ASZ1: variants seen among roughly 807,000 people sequenced by gnomAD.
ASZ1 encodes the protein ankyrin repeat, SAM and basic leucine zipper domain containing 1.
In ASZ1, 67 loss-of-function variants were observed where a neutral mutation model predicts 61.8. That is an observed-to-expected ratio of 1.08 (90% CI 0.89 to 1.33). ASZ1 has a LOEUF of 1.33. Among genes scored for constraint, ASZ1 ranks in the 40% most tolerant of loss-of-function variants. The probability of loss-of-function intolerance (pLI) is 0.00; values close to 1 mark genes in which losing one functional copy is unlikely to be tolerated. For synonymous variants in ASZ1, 193 were observed against 192.7 expected (o/e 1.00, Z -0.01); for missense variants, 577 against 554.5 (o/e 1.04, Z -0.41).
chr7:117,385,777 C>A lies in ASZ1; in HGVS notation c.473G>T (p.Arg158Leu), dbSNP rs777814813. ...AGCAACAACCTGGGTGTGACCATCTCGAGCAGCATACATGATTGGGGTCAT... is the reference window on the plus strand; with the variant it reads ...AGCAACAACCTGGGTGTGACCATCTAGAGCAGCATACATGATTGGGGTCAT... ...RLMTPIMYAARDGHTQVVALL... is the reference protein window; with the variant it reads ...RLMTPIMYAALDGHTQVVALL... The change falls in exon 5 of 13, where the codon CGA (arginine) becomes CTA (leucine). Residue 158 changes from arginine (R) to leucine (L), a missense_variant. By Grantham distance (102) the Arg-to-Leu change is moderately radical (BLOSUM62 -2). Transcript: ENST00000284629. The A allele has an allele frequency of 6.2e-7, 1 of 1,613,498 alleles. No homozygotes were observed. The highest frequency in any genetic ancestry group is 1.7e-5 in the Admixed American group (1 of 59,936).
At chr7:117,409,369 A>T (rs1424785381) in intron 4 of ASZ1, among the ~76,000 whole-genome samples, 1 of 151,926 alleles carries the variant, frequency 6.6e-6, no homozygotes, top group Non-Finnish European at 1.5e-5. Context: ...TAAAAGTTAA[A>T]CATATTAGCA....
At chr7:117,400,523 C>T (rs1370384800) in intron 4 of ASZ1, among the ~76,000 whole-genome samples, 1 of 152,106 alleles carries the variant, frequency 6.6e-6, no homozygotes, top group East Asian at 1.9e-4. Flanking sequence ...TAACTTTAGG[C>T]CTTCTTATGG....
At chr7:117,379,904 C>T (rs369691332) in intron 10 of ASZ1, 34 bp downstream of exon 10, 2 of 1,351,488 alleles carry the variant, frequency 1.5e-6, no homozygotes, top group African/African-American at 2.9e-5. Context: ...GTTCTTAACA[C>T]TATTAATAAT....
At chr7:117,368,269 T>A (rs149067032) in intron 11 of ASZ1, 18 of 978,892 alleles carry the variant, frequency 1.8e-5, no homozygotes, top group Non-Finnish European at 2.1e-5. Flanking sequence ...AAATATTTTA[T>A]TGATATGGTT....
chr7:117,368,881 A>G (rs1015249134), intron 10 of ASZ1, among the ~76,000 whole-genome samples, 164 bp from the exon 11 acceptor site: 1 of 152,186 alleles, frequency 6.6e-6, no homozygotes, highest in African/African-American at 2.4e-5. Flanking sequence ...ATTGATTATA[A>G]AAGAAAAACA....
rs561983723 is a variant in ASZ1, at chr7:117,412,039, A to AGTGTGTATGTATGT, written c.440+8123_440+8124insACATACATACACAC. Among the ~76,000 whole-genome samples the AGTGTGTATGTATGT allele has an allele frequency of 2.9e-3, 374 of 128,436 alleles. 6 individuals carry two copies. The highest frequency in any genetic ancestry group is 8.9e-3 in the East Asian group (36 of 4,052). 84.3% of individuals were successfully genotyped at this position (128,436 alleles called of 152,430 possible). A position where few individuals can be genotyped will look rare whatever the true frequency, so the allele number is the denominator to read the frequency against. On this transcript the variant is annotated intron_variant, in intron 4 of 12. Coordinates refer to ENST00000284629, the MANE Select transcript of ASZ1 (RefSeq NM_130768.3). ...GAAAGATCCCAAACAAGTGAAAAGA[A>AGTGTGTATGTATGT]GTGTGTGTGTGTGTGTGTGTGTGTG...
intron 4 of ASZ1, among the ~76,000 whole-genome samples, chr7:117,411,501 A>G (rs1796888725): frequency 6.6e-6 from 1 of 151,872 alleles, no homozygotes; most frequent in African/African-American, 2.4e-5. Flanking sequence ...AGAATGCCAA[A>G]AACAAAATGG....
chr7:117,411,665 C>T (rs1341933712), intron 4 of ASZ1, among the ~76,000 whole-genome samples: 1 of 151,816 alleles, frequency 6.6e-6, no homozygotes, highest in Non-Finnish European at 1.5e-5. Flanking sequence ...ATATTATCAT[C>T]GTTATGGCAA....
chr7:117,424,945 A>G (rs1279150367), intron 2 of ASZ1, among the ~76,000 whole-genome samples: 1 of 152,222 alleles, frequency 6.6e-6, no homozygotes, highest in Admixed American at 6.5e-5. Context: ...CCCCCTTGCC[A>G]ACAACCCTTT....
intron 1 of ASZ1, 126 bp downstream of exon 1, chr7:117,427,230 G>C (rs1015673096): frequency 2.6e-6 from 3 of 1,147,948 alleles, no homozygotes; most frequent in Non-Finnish European, 3.8e-6. Context: ...ACAAACTCCC[G>C]TATTTCCACT....
chr7:117,368,463 C>T, intron 11 of ASZ1, 149 bp downstream of exon 11: 3 of 1,380,638 alleles, frequency 2.2e-6, no homozygotes, highest in Non-Finnish European at 1.9e-6. Context: ...TAATATTAAA[C>T]AAATTGACTT....
Position 117,368,633 on chromosome 7 carries a change from C to T in ASZ1, c.1140G>A (p.Glu380=), listed in dbSNP as rs1338159675. ...LITAVQNVIT[E]LPVNSQKITL... is the part of the protein sequence containing the mutation. ...ATACCTTTTGAGAATTTACAGGTAA[C>T]TCAGTAATAACATTCTGTACAGCTG... Residue 380 remains glutamate, a synonymous_variant, in exon 11 of 13, where the codon GAG becomes GAA. Coordinates refer to ENST00000284629, the MANE Select transcript of ASZ1 (RefSeq NM_130768.3). 6.2e-7 allele frequency: 1 copy of T among 1,611,594 alleles called. No individual in the cohort carries two copies. The highest frequency in any genetic ancestry group is 1.7e-5 in the Admixed American group (1 of 59,728).
chr7:117,400,546 C>G (rs1338665527), intron 4 of ASZ1, among the ~76,000 whole-genome samples: 1 of 152,074 alleles, frequency 6.6e-6, no homozygotes, highest in African/African-American at 2.4e-5. Flanking sequence ...ATGGGGAACT[C>G]CAACACAAAA....
At chr7:117,425,267 T>TC (rs1454209454) in intron 2 of ASZ1, among the ~76,000 whole-genome samples, 6 of 131,966 alleles carry the variant, frequency 4.5e-5, no homozygotes, top group Non-Finnish European at 9.9e-5. Context: ...TTCTTTTTTT[T>TC]TTTTTTTTTT....
rs551382056 is a variant in ASZ1, at chr7:117,367,577, C to T, written c.1162-112G>A. On this transcript the variant is annotated intron_variant, in intron 11 of 12. Coordinates refer to ENST00000284629, the MANE Select transcript of ASZ1 (RefSeq NM_130768.3). ...AACATTAGATTACATAATTGAAAGG[C>T]ATTTTTTTGTTTAGGATAAATACTG... 37 of 1,190,504 alleles carry T rather than the reference C, an allele frequency of 3.1e-5. 1 individual carries two copies. In the South Asian group the frequency reaches 8.4e-4, roughly 27 times the overall value. The allele number at this position is 1,190,504 out of a possible 1,614,324, so 73.7% of individuals were successfully genotyped here. A position where few individuals can be genotyped will look rare whatever the true frequency, so the allele number is the denominator to read the frequency against.
chr7:117,372,118 C>T (rs2116451693), intron 10 of ASZ1, among the ~76,000 whole-genome samples: 1 of 152,238 alleles, frequency 6.6e-6, no homozygotes, highest in Non-Finnish European at 1.5e-5. Flanking sequence ...ACCTACACAA[C>T]TTTATATGGC....
At chr7:117,385,363 G>A (rs1422871474) in intron 5 of ASZ1, among the ~76,000 whole-genome samples, 1 of 151,880 alleles carries the variant, frequency 6.6e-6, no homozygotes, top group Non-Finnish European at 1.5e-5. Flanking sequence ...GGGTTCAAGC[G>A]ATTCTCCTGC....
At position 117,368,628 on chromosome 7, in the gene ASZ1, G is replaced by C. The variant is rs1795988988; in HGVS notation, c.1145C>G (p.Pro382Arg). Residue 382 changes from proline to arginine, a missense_variant, in exon 11 of 13, where the codon CCT becomes CGT. Pro to Arg is a moderately radical substitution (Grantham distance 103). Coordinates refer to ENST00000284629, the MANE Select transcript of ASZ1 (RefSeq NM_130768.3). Reference protein sequence around the residue: ...TAVQNVITELPVNSQKITLEW... With the variant: ...TAVQNVITELRVNSQKITLEW... ...GTAGAATACCTTTTGAGAATTTACA[G>C]GTAACTCAGTAATAACATTCTGTAC... The C allele has an allele frequency of 6.2e-7, 1 of 1,611,036 alleles. No individual in the cohort carries two copies. Among genetic ancestry groups the C allele is most frequent in the Non-Finnish European group, 8.5e-7 (1 of 1,178,926 alleles).
Position 117,368,687 on chromosome 7 carries a change from T to C in ASZ1, c.1086A>G (p.Lys362=). The change falls in exon 11 of 13, where the codon AAA becomes AAG. Residue 362 remains lysine (K), a synonymous_variant. Transcript: ENST00000284629. ...TTAAATGGCCACACTGTTTATTTAA[T>C]TTGAGAAGAAAGTTGAGGAACTCAT... ...SGDEFLNFLL[K]LNKQCGHLIT... 6.2e-7 allele frequency: 1 copy of C among 1,612,828 alleles called. No homozygotes were observed. The highest frequency in any genetic ancestry group is 8.5e-7 in the Non-Finnish European group (1 of 1,179,396).
Sources: allele counts gnomAD v4.1 joint callset (sites outside exome capture counted in the v4.1 genomes callset), GRCh38; gene constraint gnomAD v4.1.1; transcripts MANE v1.5; gene names NCBI Gene and HGNC (gene_info 2026-07-23, HGNC 2026-07-21).